Variants in ZNF521 observed in about 807,000 individuals in gnomAD.
ZNF521 encodes the protein LYST-interacting protein 3.
A neutral mutation model predicts 105.5 loss-of-function variants in ZNF521; 14 were observed. That is an observed-to-expected ratio of 0.13 (90% confidence interval 0.09 to 0.21). ZNF521 has a LOEUF of 0.21. Among genes scored for constraint, ZNF521 ranks in the 10% least tolerant of loss-of-function variants. The pLI is 1.00. For missense variants in ZNF521, 1,233 were observed against 1,629.7 expected, an observed-to-expected ratio of 0.76 and a Z score of 4.19; for synonymous variants, 635 against 606.0, an observed-to-expected ratio of 1.05 and a Z score of -0.70.
intron 3 of ZNF521, among the ~76,000 whole-genome samples, chr18:25,317,084 T>C (rs1912676105): frequency 6.6e-6 from 1 of 152,098 alleles, no homozygotes; most frequent in Non-Finnish European, 1.5e-5. Flanking sequence ...CTCAAATTCC[T>C]GACCTCAGGT....
intron 3 of ZNF521, among the ~76,000 whole-genome samples, chr18:25,290,586 T>G (rs1337437549): frequency 2.0e-5 from 3 of 151,706 alleles, no homozygotes. Context: ...GTTCAGTGTT[T>G]GATGCACAGT....
chr18:25,116,935 G>GTATA (rs1258596307), intron 5 of ZNF521, among the ~76,000 whole-genome samples: 1 of 125,682 alleles, frequency 8.0e-6, no homozygotes, highest in Non-Finnish European at 1.6e-5. Flanking sequence ...ATATATATAC[G>GTATA]TATATATACA....
chr18:25,069,829 T>C (rs2033171190), intron 7 of ZNF521, among the ~76,000 whole-genome samples: 1 of 152,256 alleles, frequency 6.6e-6, no homozygotes, highest in South Asian at 2.1e-4. Flanking sequence ...TCTTTTATTA[T>C]GACACAGCAA....
At chr18:25,184,545 G>T (rs1378287211) in intron 5 of ZNF521, among the ~76,000 whole-genome samples, 3 of 152,096 alleles carry the variant, frequency 2.0e-5, no homozygotes, top group African/African-American at 7.2e-5. Context: ...TTACTGAGTG[G>T]ATTAAGGTTT....
At chr18:25,266,402 T>C (rs1414121589) in intron 3 of ZNF521, among the ~76,000 whole-genome samples, 2 of 152,218 alleles carry the variant, frequency 1.3e-5, no homozygotes, top group African/African-American at 2.4e-5. Context: ...GAATGACTGA[T>C]AACAATTTAG....
At chr18:25,084,821 A>C (rs536127400) in intron 7 of ZNF521, among the ~76,000 whole-genome samples, 6 of 152,232 alleles carry the variant, frequency 3.9e-5, no homozygotes, top group Non-Finnish European at 8.8e-5. Flanking sequence ...GGAGGCACCA[A>C]TTAAACAGCA....
intron 5 of ZNF521, among the ~76,000 whole-genome samples, chr18:25,144,873 C>T (rs79079269): frequency 2.2e-4 from 34 of 152,256 alleles, no homozygotes; most frequent in Non-Finnish European, 4.4e-4. Flanking sequence ...ACATGCTGTC[C>T]AAGAAAATAT....
chr18:25,122,304 C>A (rs1344382661), intron 5 of ZNF521, among the ~76,000 whole-genome samples: 3 of 152,092 alleles, frequency 2.0e-5, no homozygotes, highest in African/African-American at 7.2e-5. Context: ...GGGACAATTT[C>A]AAGTGGCTAA....
Position 25,062,758 on chromosome 18 carries a change from A to T in ZNF521, c.3907-17T>A, listed in dbSNP as rs1472217783. The T allele has an allele frequency of 1.1e-6, 1 of 930,054 alleles. No individual in the cohort carries two copies. The highest frequency in any genetic ancestry group is 4.4e-5 in the Admixed American group (1 of 22,706). The allele number at this position is 930,054 out of a possible 1,614,324, so 57.6% of individuals were successfully genotyped here. On this transcript the variant is annotated splice_polypyrimidine_tract_variant and intron_variant, in intron 7 of 7. Transcript: ENST00000361524. Reference sequence around the variant, plus strand: ...TGTATGATTCTGTAAATAACAAAAAAAAAAAAAAAAAAAAAAAAAAAAAAA... The same window carrying T: ...TGTATGATTCTGTAAATAACAAAAATAAAAAAAAAAAAAAAAAAAAAAAAA...
intron 3 of ZNF521, among the ~76,000 whole-genome samples, chr18:25,293,615 T>C (rs1911162260): frequency 6.6e-6 from 1 of 152,240 alleles, no homozygotes; most frequent in South Asian, 2.1e-4. Flanking sequence ...TTCACAACAC[T>C]TGGAGATTTT....
chr18:25,298,601 T>C (rs769312193), intron 3 of ZNF521, among the ~76,000 whole-genome samples: 134 of 152,182 alleles, frequency 8.8e-4, no homozygotes, highest in Non-Finnish European at 8.8e-4. Context: ...CCACATACTT[T>C]ATATTTTAAA....
Position 25,322,197 on chromosome 18 carries a change from A to G in ZNF521, c.41-10T>C. On this transcript the variant is annotated splice_polypyrimidine_tract_variant and intron_variant, in intron 2 of 7. Coordinates refer to ENST00000361524, the MANE Select transcript of ZNF521 (RefSeq NM_015461.3). ...AGTTTACAGTTGGGGTCTGAAAAAT[A>G]TCAACACTGTAAGTATGGGGTTTAA... 1.9e-6 allele frequency: 3 copies of G among 1,613,664 alleles called. No individual in the cohort carries two copies. The highest frequency in any genetic ancestry group is 1.7e-6 in the Non-Finnish European group (2 of 1,179,594).
intron 5 of ZNF521, among the ~76,000 whole-genome samples, chr18:25,117,309 G>A (rs2034348318): frequency 6.6e-6 from 1 of 151,908 alleles, no homozygotes; most frequent in Non-Finnish European, 1.5e-5. Flanking sequence ...GTTCAATAGA[G>A]GTACCTGTCT....
chr18:25,117,255 T>A (rs2034347492), intron 5 of ZNF521, among the ~76,000 whole-genome samples: 1 of 151,664 alleles, frequency 6.6e-6, no homozygotes. Flanking sequence ...ATAGAGAGAG[T>A]GCTGACATTT....
chr18:25,275,504 C>T lies in ZNF521; in HGVS notation c.220+46504G>A, dbSNP rs765162892. On this transcript the variant is annotated intron_variant, in intron 3 of 7. Coordinates refer to ENST00000361524, the MANE Select transcript of ZNF521 (RefSeq NM_015461.3). ...TGCGGTAATAACATCATGTGTAGCA[C>T]GCCTACCCATTTACTCTTAAGATAA... is the stretch of plus-strand genomic sequence containing the variant. Among the ~76,000 whole-genome samples, 11 of 152,172 alleles carry T rather than the reference C, an allele frequency of 7.2e-5. No homozygotes were observed. In the South Asian group the frequency reaches 8.3e-4, roughly 11 times the overall value.
chr18:25,259,753 C>CA (rs1411375215), intron 3 of ZNF521, among the ~76,000 whole-genome samples: 1 of 152,174 alleles, frequency 6.6e-6, no homozygotes, highest in Non-Finnish European at 1.5e-5. Context: ...AGTCAGAAGA[C>CA]AGACATCACC....
intron 3 of ZNF521, among the ~76,000 whole-genome samples, chr18:25,244,429 A>C (rs527999537): frequency 6.6e-6 from 1 of 152,210 alleles, no homozygotes; most frequent in African/African-American, 2.4e-5. Context: ...GACCTCACAG[A>C]GACTCTGACC....
At chr18:25,338,263 G>T (rs1265532894) in intron 2 of ZNF521, among the ~76,000 whole-genome samples, 2 of 141,318 alleles carry the variant, frequency 1.4e-5, no homozygotes, top group African/African-American at 3.0e-5. Context: ...AGACTTTTGT[G>T]TGTGTGTGTG....
chr18:25,289,556 A>C (rs1600262762), intron 3 of ZNF521, among the ~76,000 whole-genome samples: 1 of 152,226 alleles, frequency 6.6e-6, no homozygotes, highest in Non-Finnish European at 1.5e-5. Flanking sequence ...ATTGGCTGTG[A>C]TGGTATTAGT....
Sources: gnomAD v4.1 joint callset for allele counts (sites outside exome capture counted in the v4.1 genomes callset) on GRCh38, gnomAD v4.1.1 for gene constraint, MANE v1.5 for transcripts, NCBI Gene and HGNC (gene_info 2026-07-23, HGNC 2026-07-21) for gene names.